The following MACF1 variants were observed in gnomAD, a reference collection of about 807,000 sequenced individuals.
MACF1 encodes microtubule actin crosslinking factor 1.
A neutral mutation model predicts 854.8 loss-of-function variants in MACF1; 193 were observed. The observed-to-expected ratio is 0.23, with a 90% CI of 0.20 to 0.25. The LOEUF (loss-of-function observed/expected upper bound fraction) is 0.25. Ranked by LOEUF, MACF1 falls within the 10% of genes least tolerant of loss-of-function variation. The pLI, the probability that MACF1 is intolerant of heterozygous loss-of-function variation, is 1.00. For synonymous variants in MACF1, 3,185 were observed against 3,226.7 expected (o/e 0.99, Z 0.44); for missense variants, 7,722 against 8,929.1 (o/e 0.86, Z 5.45).
chr1:39,245,570 C>T (rs527696186), intron 2 of MACF1, among the ~76,000 whole-genome samples: 4 of 152,256 alleles, frequency 2.6e-5, no homozygotes, highest in African/African-American at 7.2e-5. Flanking sequence ...TGAGCCACTG[C>T]GCCTGGCAAC....
rs374063866 is a variant in MACF1 at position 39,161,491 on chromosome 1, G to T, written c.221-69691G>T. ...AGCTGAGGCAGGAGGATCAGTTGAGGCTAGGAGTTTGAGACCATCCTGGGC... is the reference window on the plus strand; with the variant it reads ...AGCTGAGGCAGGAGGATCAGTTGAGTCTAGGAGTTTGAGACCATCCTGGGC... On this transcript the variant is annotated intron_variant, in intron 2 of 93. Coordinates refer to the MACF1 transcript ENST00000361689. Among the ~76,000 whole-genome samples, 8 of 152,088 alleles carry T rather than the reference G, an allele frequency of 5.3e-5. No homozygotes were observed. In the East Asian group the frequency reaches 1.2e-3, roughly 22 times the overall value.
chr1:39,285,158 C>G lies in MACF1; in HGVS notation c.1207C>G (p.Leu403Val). The G allele has an allele frequency of 6.2e-7, 1 of 1,614,194 alleles. No individual in the cohort carries two copies. Among genetic ancestry groups the G allele is most frequent in the Non-Finnish European group, 8.5e-7 (1 of 1,180,038 alleles). The change falls in exon 12 of 101, where the codon CTC (leucine) becomes GTC (valine). Residue 403 changes from leucine to valine, a missense_variant. Leu to Val is a conservative substitution (Grantham distance 32). Transcript: ENST00000564288. ...PNDVEEEWGK[L>V]IIEMLEREKS... ...TGATGTGGAAGAAGAGTGGGGAAAG[C>G]TCATCATAGAGATGCTGGAACGAGA...
chr1:39,120,040 C>T (rs1275248451), intron 2 of MACF1, among the ~76,000 whole-genome samples: 7 of 151,910 alleles, frequency 4.6e-5, no homozygotes, highest in Non-Finnish European at 8.8e-5. Context: ...TGCGGCACCA[C>T]GCTTGGCTAA....
At chr1:39,133,930 G>C (rs756624703) in intron 2 of MACF1, among the ~76,000 whole-genome samples, 25 of 151,242 alleles carry the variant, frequency 1.7e-4, no homozygotes, top group Non-Finnish European at 2.9e-5. Context: ...TCATTTTTGG[G>C]TTTTGTGAAT....
chr1:39,262,735 A>G (rs1347434330), intron 6 of MACF1, among the ~76,000 whole-genome samples: 2 of 152,138 alleles, frequency 1.3e-5, no homozygotes, highest in Non-Finnish European at 2.9e-5. Context: ...CTGCATGCAT[A>G]TTGGCTGCCT....
chr1:39,414,981 A>G (rs1239390817), intron 58 of MACF1, among the ~76,000 whole-genome samples: 1 of 152,212 alleles, frequency 6.6e-6, no homozygotes, highest in Non-Finnish European at 1.5e-5. Flanking sequence ...CTGTGAGGAT[A>G]AAATGAGATA....
At chr1:39,098,983 C>A (rs1642001021) in intron 2 of MACF1, among the ~76,000 whole-genome samples, 1 of 152,152 alleles carries the variant, frequency 6.6e-6, no homozygotes, top group African/African-American at 2.4e-5. Flanking sequence ...GAGACTAGAA[C>A]TAGGTAATTT....
intron 69 of MACF1, among the ~76,000 whole-genome samples, 178 bp downstream of exon 69, chr1:39,434,810 A>G (rs556707934): frequency 1.9e-4 from 29 of 152,350 alleles, no homozygotes; most frequent in African/African-American, 4.8e-4. Context: ...TTTAATATCA[A>G]TTGATTAAAC....
At chr1:39,296,832 AAGGAAGGAAGGAAAAG>A (rs1236035375) in intron 20 of MACF1, among the ~76,000 whole-genome samples, 2 of 126,956 alleles carry the variant, frequency 1.6e-5, no homozygotes, top group Admixed American at 7.9e-5. Context: ...GGAAGGAAGG[AAGGAAGGAAGGAAAAG>A]AAAGAAAGAG....
Position 39,422,850 on chromosome 1 carries a change from C to A in MACF1, c.16099C>A (p.Pro5367Thr). Residue 5367 changes from proline (P) to threonine (T), a missense_variant, in exon 60 of 101, where the codon CCT (proline) becomes ACT (threonine). By Grantham distance (38) the Pro-to-Thr change is conservative (BLOSUM62 -1). Around this residue, in one of 15 missense-constraint regions of MACF1, gnomAD observed 2,807 missense variants for 3,235.8 expected, o/e 0.87. Coordinates refer to ENST00000564288, the MANE Select transcript of MACF1 (RefSeq NM_001394062.1). Reference protein sequence around the residue: ...DTEELIANQKPPSAEYKVVKA... With the variant: ...DTEELIANQKTPSAEYKVVKA... ...CGAGGAGCTCATAGCCAATCAGAAA[C>A]CTCCATCTGCTGAGTATAAAGTGGT... 6.2e-7 allele frequency: 1 copy of A among 1,614,180 alleles called. No homozygotes were observed.
At chr1:39,289,167 T>G (rs940820902) in intron 15 of MACF1, among the ~76,000 whole-genome samples, 3 of 152,230 alleles carry the variant, frequency 2.0e-5, no homozygotes, top group Non-Finnish European at 2.9e-5. Context: ...TGCTTCCAAA[T>G]TCTGGCTATT....
intron 2 of MACF1, among the ~76,000 whole-genome samples, chr1:39,164,629 A>C (rs1447220505): frequency 2.6e-5 from 4 of 152,202 alleles, no homozygotes; most frequent in Non-Finnish European, 5.9e-5. Flanking sequence ...TTGTAGTGGT[A>C]AGGGACCCAT....
At position 39,325,988 on chromosome 1, in the gene MACF1, G is replaced by A. The variant is rs528503801; in HGVS notation, c.4479-1230G>A. 4.3e-4 allele frequency among the ~76,000 whole-genome samples: 66 copies of A among 152,312 alleles called. No individual in the cohort carries two copies. In the South Asian group the frequency reaches 5.2e-3, roughly 12 times the overall value. On this transcript the variant is annotated intron_variant, in intron 35 of 100. Coordinates refer to ENST00000564288, the MANE Select transcript of MACF1 (RefSeq NM_001394062.1). The stretch of plus-strand genomic sequence containing the variant: ...TAACTGGATTTACCTAGCAGCCTTA[G>A]TGTAGGAGCAGAAGAGACTGGTGGT...
chr1:39,224,137 A>G (rs1644685983), intron 1 of MACF1, among the ~76,000 whole-genome samples: 1 of 152,152 alleles, frequency 6.6e-6, no homozygotes, highest in African/African-American at 2.4e-5. Context: ...GAATGTAAAG[A>G]ACAGCTATTT....
chr1:39,085,915 A>G (rs1361925440), intron 2 of MACF1, among the ~76,000 whole-genome samples: 2 of 152,160 alleles, frequency 1.3e-5, no homozygotes, highest in Non-Finnish European at 2.9e-5. Context: ...CTTCTCTGCA[A>G]GATGCTGGTA....
intron 27 of MACF1, 104 bp from the exon 28 acceptor site, chr1:39,316,287 T>G: frequency 2.3e-6 from 2 of 873,026 alleles, no homozygotes; most frequent in Non-Finnish European, 3.3e-6. Flanking sequence ...GTGACATTGA[T>G]TTTGGTTATT....
intron 2 of MACF1, among the ~76,000 whole-genome samples, chr1:39,110,848 A>G (rs995055526): frequency 2.6e-5 from 4 of 152,224 alleles, no homozygotes; most frequent in South Asian, 2.1e-4. Context: ...TTCAGTGCCA[A>G]TTCCAGGTTT....
chr1:39,267,417 G>C (rs1413874702), intron 6 of MACF1, among the ~76,000 whole-genome samples: 1 of 152,194 alleles, frequency 6.6e-6, no homozygotes, highest in Non-Finnish European at 1.5e-5. Flanking sequence ...TTTTAGTAGA[G>C]ACGGGGTTTC....
intron 1 of MACF1, among the ~76,000 whole-genome samples, chr1:39,228,704 A>G (rs986562242): frequency 1.3e-5 from 2 of 152,214 alleles, no homozygotes; most frequent in Non-Finnish European, 2.9e-5. Context: ...GCCAGGCTGG[A>G]GTGCAATGGC....
Sources: gnomAD v4.1 joint callset for allele counts (sites outside exome capture counted in the v4.1 genomes callset) on GRCh38, gnomAD v4.1.1 for gene constraint, gnomAD v4.1.1 regional missense constraint, MANE v1.5 for transcripts, NCBI Gene and HGNC (gene_info 2026-07-23, HGNC 2026-07-21) for gene names.